NDEL1: variants seen among roughly 807,000 people sequenced by gnomAD.
NDEL1 encodes nuclear distribution protein nudE-like 1.
Under a neutral mutation model 45.7 loss-of-function variants are expected in NDEL1, and 9 were observed. That is an observed-to-expected ratio of 0.20 (90% CI 0.12 to 0.34). The LOEUF is 0.34. NDEL1 is among the 10% of genes least tolerant of loss of function. The pLI is 1.00. For synonymous variants in NDEL1, 133 were observed against 158.6 expected, an observed-to-expected ratio of 0.84 and a Z score of 1.21; for missense variants, 306 against 406.2, an observed-to-expected ratio of 0.75 and a Z score of 2.12.
chr17:8,448,779 A>C (rs1910263556), intron 5 of NDEL1, 93 bp downstream of exon 5: 1 of 1,252,140 alleles, frequency 8.0e-7, no homozygotes, highest in Non-Finnish European at 1.1e-6. Context: ...TTTTTCAACC[A>C]AATGTGGATT....
At chr17:8,426,767 C>T (rs1908843198) in intron 1 of NDEL1, among the ~76,000 whole-genome samples, 1 of 152,064 alleles carries the variant, frequency 6.6e-6, no homozygotes, top group African/African-American at 2.4e-5. Flanking sequence ...CAAGTTCCAT[C>T]AATAGGGGAG....
chr17:8,425,264 T>C (rs1908803254), intron 1 of NDEL1, among the ~76,000 whole-genome samples: 1 of 152,222 alleles, frequency 6.6e-6, no homozygotes. Context: ...TAAAGGGAAG[T>C]TCTTTATTAG....
At chr17:8,419,496 A>C (rs1442135434) in intron 1 of NDEL1, among the ~76,000 whole-genome samples, 1 of 152,208 alleles carries the variant, frequency 6.6e-6, no homozygotes, top group Non-Finnish European at 1.5e-5. Context: ...GTTCTATGAC[A>C]TCATTTCCAG....
At chr17:8,438,463 C>T (rs148535518) in intron 1 of NDEL1, among the ~76,000 whole-genome samples, 5 of 152,258 alleles carry the variant, frequency 3.3e-5, no homozygotes, top group East Asian at 1.9e-4. Flanking sequence ...CTGAAACTGT[C>T]GTTTGAGTAT....
intron 7 of NDEL1, among the ~76,000 whole-genome samples, chr17:8,458,972 T>C (rs969239227): frequency 3.0e-4 from 46 of 152,290 alleles, no homozygotes; most frequent in African/African-American, 1.0e-3. Flanking sequence ...CCTCAAGTGA[T>C]CCACCTGCCT....
chr17:8,418,082 C>T (rs1908597254), intron 1 of NDEL1, among the ~76,000 whole-genome samples: 1 of 152,212 alleles, frequency 6.6e-6, no homozygotes, highest in African/African-American at 2.4e-5. Flanking sequence ...TTCTGGTTGG[C>T]ATTTAGTTTT....
intron 1 of NDEL1, among the ~76,000 whole-genome samples, chr17:8,430,504 C>T (rs1330001367): frequency 6.6e-6 from 1 of 152,198 alleles, no homozygotes; most frequent in Non-Finnish European, 1.5e-5. Flanking sequence ...GTACCCAGAT[C>T]TCTCTTAGGG....
chr17:8,415,666 G>C (rs1908530906), intron 1 of NDEL1, among the ~76,000 whole-genome samples: 1 of 152,006 alleles, frequency 6.6e-6, no homozygotes, highest in Admixed American at 6.6e-5. Flanking sequence ...GAACTCCTGG[G>C]CTCTTGCCTC....
At chr17:8,449,490 C>T (rs1487216839) in intron 5 of NDEL1, among the ~76,000 whole-genome samples, 1 of 152,152 alleles carries the variant, frequency 6.6e-6, no homozygotes, top group Admixed American at 6.5e-5. Flanking sequence ...GTTGTGTAAA[C>T]AAATTTTTAG....
chr17:8,424,092 A>G (rs557041107), intron 1 of NDEL1, among the ~76,000 whole-genome samples: 12 of 152,372 alleles, frequency 7.9e-5, no homozygotes, highest in South Asian at 2.1e-4. Flanking sequence ...AACAGACGAG[A>G]GAGAGATTAG....
At chr17:8,421,062 G>T (rs1213772809) in intron 1 of NDEL1, among the ~76,000 whole-genome samples, 1 of 152,160 alleles carries the variant, frequency 6.6e-6, no homozygotes, top group Non-Finnish European at 1.5e-5. Context: ...TTATTTTAGG[G>T]AATGTTAGGG....
rs1014791732 is a variant in NDEL1 at position 8,465,069 on chromosome 17, C to A, written c.945-1861C>A. On this transcript the variant is annotated intron_variant, in intron 8 of 8. Coordinates refer to ENST00000334527, the MANE Select transcript of NDEL1 (RefSeq NM_030808.5). This position sits in a 1 kb window ranked among gnomAD's most constrained non-coding sequence, Gnocchi z 4.9. ...CAGTACAGGTTTAGGGGCTTGCCTG[C>A]CACTGTGATGTGTGAGGCCAGGAAT... 2 of 152,254 alleles carry A rather than the reference C, an allele frequency of 1.3e-5. No individual in the cohort carries two copies. 9.4% of individuals were successfully genotyped at this position (152,254 alleles called of 1,614,324 possible). A position where few individuals can be genotyped will look rare whatever the true frequency, so the allele number is the denominator to read the frequency against.
intron 1 of NDEL1, among the ~76,000 whole-genome samples, chr17:8,415,699 A>T (rs1908531844): frequency 6.6e-6 from 1 of 151,730 alleles, no homozygotes; most frequent in Non-Finnish European, 1.5e-5. Flanking sequence ...CTGGGATTAC[A>T]GGCGTGAGAC....
intron 1 of NDEL1, among the ~76,000 whole-genome samples, chr17:8,418,114 G>A (rs987197090): frequency 7.9e-5 from 12 of 152,168 alleles, no homozygotes; most frequent in Middle Eastern, 3.2e-3. Context: ...GATCTACTGC[G>A]TCAGCTGTCG....
intron 5 of NDEL1, among the ~76,000 whole-genome samples, chr17:8,450,109 C>G (rs569664555): frequency 2.0e-5 from 3 of 151,846 alleles, no homozygotes; most frequent in Non-Finnish European, 2.9e-5. Context: ...ATGGTGAAAC[C>G]CCATCTCTAC....
At chr17:8,447,863 C>G (rs1910182991) in intron 4 of NDEL1, among the ~76,000 whole-genome samples, 1 of 151,922 alleles carries the variant, frequency 6.6e-6, no homozygotes, top group Non-Finnish European at 1.5e-5. Context: ...CTGGTCACTA[C>G]CCTTGGGGGT....
At chr17:8,419,683 GGGAAAAA>G (rs1021767526) in intron 1 of NDEL1, among the ~76,000 whole-genome samples, 6 of 151,432 alleles carry the variant, frequency 4.0e-5, no homozygotes, top group African/African-American at 1.5e-4. Flanking sequence ...CTTTTTTTGG[GGGAAAAA>G]GGAAAAAGGT....
downstream of NDEL1, among the ~76,000 whole-genome samples, chr17:8,468,487 G>A (rs1403475069): frequency 6.6e-6 from 1 of 152,230 alleles, no homozygotes; most frequent in Non-Finnish European, 1.5e-5. Flanking sequence ...CCGGGACCTG[G>A]TCCTGCAGCT....
chr17:8,463,616 G>A (rs1911383476), intron 8 of NDEL1, among the ~76,000 whole-genome samples: 1 of 152,216 alleles, frequency 6.6e-6, no homozygotes, highest in African/African-American at 2.4e-5. Context: ...GCCTGAGATG[G>A]GCTAGGGCGC....
Sources: gnomAD v4.1 joint callset for allele counts (sites outside exome capture counted in the v4.1 genomes callset) on GRCh38, gnomAD v4.1.1 for gene constraint, Gnocchi (gnomAD v3.1) non-coding constraint, MANE v1.5 for transcripts, NCBI Gene and HGNC (gene_info 2026-07-23, HGNC 2026-07-21) for gene names.